The following PCLO variants were observed in gnomAD, a reference collection of about 807,000 sequenced individuals.
PCLO encodes the protein protein piccolo.
Under a neutral mutation model 427.5 loss-of-function variants are expected in PCLO, and 82 were observed. The observed-to-expected ratio is 0.19, with a 90% CI of 0.16 to 0.23. The LOEUF (loss-of-function observed/expected upper bound fraction) is 0.23, where lower values mean the gene tolerates loss of function less well. Ranked by LOEUF, PCLO falls within the 10% of genes least tolerant of loss-of-function variation. PCLO has a pLI of 1.00. For missense variants in PCLO, 6,239 were observed against 6,115.9 expected, an observed-to-expected ratio of 1.02 and a Z score of -0.67; for synonymous variants, 2,357 against 2,155.4, an observed-to-expected ratio of 1.09 and a Z score of -2.59.
At chr7:83,160,662 T>C (rs966308993) in intron 1 of PCLO, among the ~76,000 whole-genome samples, 4 of 152,158 alleles carry the variant, frequency 2.6e-5, no homozygotes, top group African/African-American at 7.2e-5. Flanking sequence ...TTTAAAAGTA[T>C]ACTATCTGAT....
intron 3 of PCLO, among the ~76,000 whole-genome samples, chr7:82,982,480 GAA>G (rs1796168292): frequency 6.6e-6 from 1 of 152,040 alleles, no homozygotes. Context: ...GGTCATGACT[GAA>G]ACATCAGAGA....
At chr7:83,050,227 A>AACAAAAAC (rs1789206323) in intron 3 of PCLO, among the ~76,000 whole-genome samples, 1 of 85,620 alleles carries the variant, frequency 1.2e-5, no homozygotes, top group Non-Finnish European at 2.7e-5. Flanking sequence ...AAAAAAAAAA[A>AACAAAAAC]AAAAAAAAAA....
chr7:83,044,394 TAAAC>T (rs1294981695), intron 3 of PCLO, among the ~76,000 whole-genome samples: 2 of 152,208 alleles, frequency 1.3e-5, no homozygotes, highest in Non-Finnish European at 2.9e-5. Flanking sequence ...TGGTAACTAA[TAAAC>T]AAATCTGAGC....
At chr7:83,095,076 T>C (rs1007063852) in intron 3 of PCLO, among the ~76,000 whole-genome samples, 1 of 152,200 alleles carries the variant, frequency 6.6e-6, no homozygotes. Flanking sequence ...AAATTTCCAA[T>C]TAAATAATCT....
rs1791684341 is a variant in PCLO, at chr7:83,135,064, T to G, written c.2486A>C (p.Lys829Thr). The G allele has an allele frequency of 1.2e-6, 2 of 1,613,986 alleles. No individual in the cohort carries two copies. Among genetic ancestry groups the G allele is most frequent in the Non-Finnish European group, 1.7e-6 (2 of 1,179,878 alleles). Reference protein sequence around the residue: ...KAIPRPASDSKIISHPGPSSE... With the variant: ...KAIPRPASDSTIISHPGPSSE... ...ACTGGGACCAGGATGTGAAATAATTTTTGAATCTGATGCAGGTCGAGGTAT... is the reference window on the plus strand; with the variant it reads ...ACTGGGACCAGGATGTGAAATAATTGTTGAATCTGATGCAGGTCGAGGTAT... The change falls in exon 3 of 25, where the codon AAA (lysine) becomes ACA (threonine). Residue 829 changes from lysine (K) to threonine (T), a missense_variant. Coordinates refer to ENST00000333891, the MANE Select transcript of PCLO (RefSeq NM_033026.6).
rs570798503 is a variant in PCLO, at chr7:83,151,407, T to C, written c.1893+3341A>G. ...TGCAACTTTAAAAGCACTTCATGTA[T>C]CTAAAATACCTTCTCATACAAATTT... is the stretch of plus-strand genomic sequence containing the variant. On this transcript the variant is annotated intron_variant, in intron 2 of 24. Transcript: ENST00000333891. Among the ~76,000 whole-genome samples the C allele has an allele frequency of 5.9e-5, 9 of 152,282 alleles. No individual in the cohort carries two copies. In the South Asian group the frequency reaches 1.9e-3, roughly 32 times the overall value.
At chr7:82,857,177 A>T (rs547793742) in intron 10 of PCLO, among the ~76,000 whole-genome samples, 2 of 152,180 alleles carry the variant, frequency 1.3e-5, no homozygotes, top group Non-Finnish European at 2.9e-5. Flanking sequence ...ACAGACTAAA[A>T]TGCTATCAAA....
chr7:83,037,626 T>C (rs1788827592), intron 3 of PCLO, among the ~76,000 whole-genome samples: 1 of 151,646 alleles, frequency 6.6e-6, no homozygotes, highest in South Asian at 2.1e-4. Context: ...ATCAACAGAA[T>C]GCCAATTCTG....
chr7:82,879,252 G>C (rs1280229578), intron 10 of PCLO, 85 bp downstream of exon 10: 5 of 1,195,192 alleles, frequency 4.2e-6, no homozygotes, highest in Non-Finnish European at 5.8e-6. Context: ...ACACAGAGAA[G>C]GATGAGAACA....
chr7:82,932,308 G>T (rs1050218593), intron 6 of PCLO, among the ~76,000 whole-genome samples: 3 of 152,092 alleles, frequency 2.0e-5, no homozygotes, highest in African/African-American at 7.2e-5. Flanking sequence ...TGTTTCCAGG[G>T]CTGTGGGATA....
At chr7:82,777,491 C>T (rs1002846653) in intron 22 of PCLO, among the ~76,000 whole-genome samples, 11 of 152,100 alleles carry the variant, frequency 7.2e-5, no homozygotes, top group African/African-American at 2.4e-4. Flanking sequence ...TTATGCTCCC[C>T]TACTTCAACC....
intron 9 of PCLO, among the ~76,000 whole-genome samples, chr7:82,894,840 A>G (rs930324551): frequency 6.6e-6 from 1 of 152,090 alleles, no homozygotes; most frequent in Non-Finnish European, 1.5e-5. Context: ...TGGGACATCC[A>G]TAAATAGATT....
chr7:83,057,608 G>A (rs1978174), intron 3 of PCLO, among the ~76,000 whole-genome samples: 116,382 of 149,980 alleles, frequency 0.78, 46,006 homozygotes, highest in African/African-American at 0.92. Context: ...TGATCCACCC[G>A]CCTCGGCCTC....
At chr7:83,099,394 T>G (rs34729379) in intron 3 of PCLO, among the ~76,000 whole-genome samples, 66,423 of 147,424 alleles carry the variant, frequency 0.45, 15,303 homozygotes, top group East Asian at 0.71. Context: ...TTTTTTTGTT[T>G]TTTTTTTTTT....
intron 22 of PCLO, among the ~76,000 whole-genome samples, chr7:82,772,353 A>T (rs1389721738): frequency 6.6e-6 from 1 of 152,056 alleles, no homozygotes; most frequent in African/African-American, 2.4e-5. Context: ...TATTAATTTC[A>T]TTTTTATTTA....
chr7:83,138,993 AATT>A (rs2116630911), intron 2 of PCLO, among the ~76,000 whole-genome samples: 1 of 152,356 alleles, frequency 6.6e-6, no homozygotes, highest in East Asian at 1.9e-4. Flanking sequence ...GACATTAAAA[AATT>A]ATGATATAAA....
In PCLO at chr7:83,093,659, A is replaced by AT. The variant is rs569413561; in HGVS notation, c.3300+40590dup. ...AGGCGCCCGCTACCACACCCGGCTA[A>AT]TTTTTTTTATTTTTTAGTAGAGACG... On this transcript the variant is annotated intron_variant, in intron 3 of 24. Transcript: ENST00000333891. Among the ~76,000 whole-genome samples the AT allele has an allele frequency of 2.6e-3, 380 of 148,810 alleles. 1 individual carries two copies. The highest frequency in any genetic ancestry group is 8.3e-3 in the African/African-American group (340 of 40,738).
chr7:83,010,358 C>T (rs534289681), intron 3 of PCLO, among the ~76,000 whole-genome samples: 1 of 151,686 alleles, frequency 6.6e-6, no homozygotes, highest in Admixed American at 6.6e-5. Context: ...CTCAACAAAA[C>T]CCTTCCAATC....
At chr7:82,985,896 G>A (rs905409819) in intron 3 of PCLO, among the ~76,000 whole-genome samples, 1 of 151,620 alleles carries the variant, frequency 6.6e-6, no homozygotes, top group African/African-American at 2.4e-5. Flanking sequence ...ATACTTTTTC[G>A]ATTTTTGTAA....
Sources: allele counts gnomAD v4.1 joint callset (sites outside exome capture counted in the v4.1 genomes callset), GRCh38; gene constraint gnomAD v4.1.1; transcripts MANE v1.5; gene names NCBI Gene and HGNC (gene_info 2026-07-23, HGNC 2026-07-21).